Variants in ROCK1 observed in about 807,000 individuals in gnomAD.
The protein encoded by ROCK1 is rho-associated protein kinase 1.
Under a neutral mutation model 196.8 loss-of-function variants are expected in ROCK1, and 36 were observed. The observed-to-expected ratio is 0.18, with a 90% CI of 0.14 to 0.24. ROCK1 has a LOEUF of 0.24. ROCK1 is among the 10% of genes least tolerant of loss of function. The pLI, the probability that ROCK1 is intolerant of heterozygous loss-of-function variation, is 1.00. For missense variants in ROCK1, 920 were observed against 1,562.0 expected (o/e 0.59, Z 6.93); for synonymous variants, 443 against 515.9 (o/e 0.86, Z 1.91).
intron 1 of ROCK1, among the ~76,000 whole-genome samples, chr18:21,083,077 A>G (rs1209528684): frequency 6.6e-6 from 1 of 152,192 alleles, no homozygotes; most frequent in Non-Finnish European, 1.5e-5. Flanking sequence ...GAAACTTAAG[A>G]GCAGTTTCAT....
At chr18:21,042,340 G>T in intron 7 of ROCK1, 105 bp from the exon 8 acceptor site, 2 of 1,099,362 alleles carry the variant, frequency 1.8e-6, no homozygotes, top group Non-Finnish European at 2.5e-6. Context: ...TATTAGGTAT[G>T]TATTAAACTA....
At chr18:20,959,573 A>G (rs2035306733) in intron 29 of ROCK1, among the ~76,000 whole-genome samples, 2 of 151,114 alleles carry the variant, frequency 1.3e-5, no homozygotes, top group African/African-American at 2.4e-5. Context: ...ACAGCTGACT[A>G]TACTTTTTGA....
At chr18:21,087,483 G>T (rs1204703447) in intron 1 of ROCK1, among the ~76,000 whole-genome samples, 1 of 152,094 alleles carries the variant, frequency 6.6e-6, no homozygotes, top group African/African-American at 2.4e-5. Flanking sequence ...AATGGGAAAT[G>T]ATTTACCATG....
chr18:21,083,333 A>T (rs2036497850), intron 1 of ROCK1, among the ~76,000 whole-genome samples: 1 of 152,182 alleles, frequency 6.6e-6, no homozygotes, highest in South Asian at 2.1e-4. Flanking sequence ...CCTCATCCTA[A>T]AATTCAAATG....
chr18:20,967,194 G>A, intron 26 of ROCK1, 118 bp from the exon 27 acceptor site: 1 of 667,990 alleles, frequency 1.5e-6, no homozygotes, highest in Non-Finnish European at 2.5e-6. Context: ...CTTCATGAAT[G>A]TTTGCTACCA....
chr18:21,082,464 A>G (rs1205234082), intron 1 of ROCK1, among the ~76,000 whole-genome samples: 3 of 152,224 alleles, frequency 2.0e-5, no homozygotes, highest in African/African-American at 7.2e-5. Context: ...TATAGCACAT[A>G]TGAGAAGAAG....
chr18:21,080,027 A>T (rs2036469840), intron 1 of ROCK1, among the ~76,000 whole-genome samples: 1 of 152,148 alleles, frequency 6.6e-6, no homozygotes, highest in African/African-American at 2.4e-5. Flanking sequence ...ATCTAGAAAG[A>T]GAAGTGAGAA....
At chr18:21,095,707 TGG>T (rs2036607377) in intron 1 of ROCK1, among the ~76,000 whole-genome samples, 1 of 149,030 alleles carries the variant, frequency 6.7e-6, no homozygotes, top group Non-Finnish European at 1.5e-5. Flanking sequence ...AGAAAGGGAC[TGG>T]GGGGATAGTT....
At chr18:21,032,051 T>C (rs963791323) in intron 9 of ROCK1, among the ~76,000 whole-genome samples, 35 of 152,264 alleles carry the variant, frequency 2.3e-4, no homozygotes, top group African/African-American at 8.4e-4. Context: ...AGAAAGACTA[T>C]TTGAAGAAAT....
chr18:21,085,696 A>G (rs973463784), intron 1 of ROCK1, among the ~76,000 whole-genome samples: 3 of 152,212 alleles, frequency 2.0e-5, no homozygotes, highest in African/African-American at 7.2e-5. Flanking sequence ...TTCTACAGAA[A>G]TGGCATCCTG....
intron 31 of ROCK1, among the ~76,000 whole-genome samples, chr18:20,954,508 A>T (rs1326083213): frequency 6.6e-6 from 1 of 152,168 alleles, no homozygotes; most frequent in East Asian, 1.9e-4. Flanking sequence ...CCTGGGAGGC[A>T]GAGGCTGCAG....
At chr18:21,059,601 TA>T (rs1455852141) in intron 2 of ROCK1, among the ~76,000 whole-genome samples, 3 of 152,180 alleles carry the variant, frequency 2.0e-5, no homozygotes, top group Non-Finnish European at 4.4e-5. Flanking sequence ...TCCAAAGTAA[TA>T]AAAGTATATA....
chr18:20,958,921 T>TTA (rs1361651412), intron 29 of ROCK1, among the ~76,000 whole-genome samples: 16 of 96,528 alleles, frequency 1.7e-4, no homozygotes, highest in Admixed American at 3.7e-4. Context: ...TTTATATATT[T>TTA]TATATATATA....
chr18:20,953,025 T>A (rs1381692858), intron 32 of ROCK1, among the ~76,000 whole-genome samples: 6 of 152,062 alleles, frequency 3.9e-5, no homozygotes, highest in South Asian at 4.1e-4. Flanking sequence ...CTAATGTAGA[T>A]GATGGGTTGA....
chr18:21,020,136 A>T lies in ROCK1; in HGVS notation c.1361+15T>A. On this transcript the variant is annotated intron_variant, in intron 12 of 32. Coordinates refer to ENST00000399799, the MANE Select transcript of ROCK1 (RefSeq NM_005406.3). ...ATAAAACTTTTAATATGAAAAACTT[A>T]AAGTATATTCTCACCTGCACTTCTG... 1 of 1,521,788 alleles carries T rather than the reference A, an allele frequency of 6.6e-7. No homozygotes were observed. The highest frequency in any genetic ancestry group is 9.0e-7 in the Non-Finnish European group (1 of 1,112,042). 94.3% of individuals were successfully genotyped at this position (1,521,788 alleles called of 1,614,324 possible). A position where few individuals can be genotyped will look rare whatever the true frequency, so the allele number is the denominator to read the frequency against.
Position 20,966,992 on chromosome 18 carries a change from T to C in ROCK1, c.3277A>G (p.Lys1093Glu), listed in dbSNP as rs540903764. 1 of 1,613,638 alleles carries C rather than the reference T, an allele frequency of 6.2e-7. No individual in the cohort carries two copies. Among genetic ancestry groups the C allele is most frequent in the East Asian group, 2.2e-5 (1 of 44,854 alleles). Reference protein sequence around the residue: ...KESDIEQLRAKLLDLSDSTSV... With the variant: ...KESDIEQLRAELLDLSDSTSV... ...GTAGAATCCGAGAGGTCCAAAAGTT[T>C]AGCACGCAATTGCTCAATATCACTC... is the stretch of plus-strand genomic sequence containing the variant. The change falls in exon 27 of 33, where the codon AAA (lysine) becomes GAA (glutamate). Residue 1093 changes from lysine to glutamate, a missense_variant. Physicochemically the swap from Lys to Glu is moderately conservative, Grantham distance 56. Coordinates refer to ENST00000399799, the MANE Select transcript of ROCK1 (RefSeq NM_005406.3).
rs1042482794 is a variant in ROCK1, at chr18:20,966,997, C to T, written c.3272G>A (p.Arg1091His). Residue 1091 changes from arginine to histidine, a missense_variant, in exon 27 of 33, where the codon CGT becomes CAT. Transcript: ENST00000399799. ...ATCCGAGAGGTCCAAAAGTTTAGCACGCAATTGCTCAATATCACTCTCTTT... is the reference window on the plus strand; with the variant it reads ...ATCCGAGAGGTCCAAAAGTTTAGCATGCAATTGCTCAATATCACTCTCTTT... ...ASKESDIEQL[R>H]AKLLDLSDST... 7 of 1,613,178 alleles carry T rather than the reference C, an allele frequency of 4.3e-6. No individual in the cohort carries two copies. Among genetic ancestry groups the T allele is most frequent in the South Asian group, 1.1e-5 (1 of 91,052 alleles).
intron 19 of ROCK1, 36 bp from the exon 20 acceptor site, chr18:20,984,571 C>CT: frequency 6.7e-7 from 1 of 1,492,902 alleles, no homozygotes; most frequent in African/African-American, 1.4e-5. Flanking sequence ...TCTTAAATCT[C>CT]TTAAATAATT....
chr18:20,982,349 TCAAG>T (rs888441157), intron 21 of ROCK1, among the ~76,000 whole-genome samples: 1 of 152,204 alleles, frequency 6.6e-6, no homozygotes, highest in African/African-American at 2.4e-5. Context: ...ACTACTGGAC[TCAAG>T]CAATTCTCCT....
Sources: gnomAD v4.1 joint callset for allele counts (sites outside exome capture counted in the v4.1 genomes callset) on GRCh38, gnomAD v4.1.1 for gene constraint, MANE v1.5 for transcripts, NCBI Gene and HGNC (gene_info 2026-07-23, HGNC 2026-07-21) for gene names.